PTPRG: variants seen among roughly 807,000 people sequenced by gnomAD.
PTPRG encodes the protein protein tyrosine phosphatase receptor type G.
Under a neutral mutation model 165.3 loss-of-function variants are expected in PTPRG, and 102 were observed. That is an observed-to-expected ratio of 0.62 (90% CI 0.53 to 0.73). The LOEUF (loss-of-function observed/expected upper bound fraction) is 0.73, where lower values mean the gene tolerates loss of function less well. Among genes scored for constraint, PTPRG ranks in the 30% least tolerant of loss-of-function variants. The pLI, the probability that PTPRG is intolerant of heterozygous loss-of-function variation, is 0.00. For synonymous variants in PTPRG, 675 were observed against 669.5 expected (o/e 1.01, Z -0.13); for missense variants, 1,866 against 1,861.4 (o/e 1.00, Z -0.05).
chr3:61,786,761 TAAATGATCATTCTC>T (rs2034717672), intron 2 of PTPRG, among the ~76,000 whole-genome samples: 1 of 152,214 alleles, frequency 6.6e-6, no homozygotes, highest in South Asian at 2.1e-4. Flanking sequence ...AATATGTCTT[TAAATGATCATTCTC>T]TGATTACATC....
intron 2 of PTPRG, among the ~76,000 whole-genome samples, chr3:61,762,325 G>T (rs598688): frequency 0.69 from 105,627 of 152,052 alleles, 37,492 homozygotes; most frequent in Non-Finnish European, 0.78. Context: ...CAGAAAGAAC[G>T]AGTTAAGATT....
chr3:62,007,256 T>G (rs917241715), intron 4 of PTPRG, among the ~76,000 whole-genome samples: 1 of 152,262 alleles, frequency 6.6e-6, no homozygotes, highest in African/African-American at 2.4e-5. Flanking sequence ...GAGACAACTT[T>G]GTAGGCATCC....
chr3:61,817,007 AAAT>A (rs2035784927), intron 2 of PTPRG, among the ~76,000 whole-genome samples: 1 of 114,416 alleles, frequency 8.7e-6, no homozygotes. Flanking sequence ...TATATAATAT[AAAT>A]ATATATACTA....
At position 61,658,060 on chromosome 3, in the gene PTPRG, G is replaced by C. The variant is rs115317308; in HGVS notation, c.86-90818G>C. ...ATGAAAATGTTTGGGAAGTATAAGA[G>C]CTCCAGGCCATGGGATGAAATGGGA... is the stretch of plus-strand genomic sequence containing the variant. On this transcript the variant is annotated intron_variant, in intron 1 of 29. Transcript: ENST00000474889. 5.9e-3 allele frequency among the ~76,000 whole-genome samples: 904 copies of C among 152,278 alleles called. 12 individuals carry two copies. Among genetic ancestry groups the C allele is most frequent in the African/African-American group, 0.021 (875 of 41,548 alleles).
At chr3:61,988,760 G>C (rs1359397638) in intron 2 of PTPRG, among the ~76,000 whole-genome samples, 1 of 152,134 alleles carries the variant, frequency 6.6e-6, no homozygotes, top group African/African-American at 2.4e-5. Context: ...GTGTCAACAA[G>C]GTTAAAAGTA....
intron 2 of PTPRG, among the ~76,000 whole-genome samples, chr3:61,920,574 T>G (rs1288887811): frequency 6.6e-6 from 1 of 152,146 alleles, no homozygotes; most frequent in Non-Finnish European, 1.5e-5. Context: ...TTTTGTATTT[T>G]TAGTTTAGAC....
At chr3:61,887,085 A>C (rs2038057869) in intron 2 of PTPRG, among the ~76,000 whole-genome samples, 1 of 129,048 alleles carries the variant, frequency 7.7e-6, no homozygotes, top group East Asian at 2.3e-4. Flanking sequence ...CTTAAGCATT[A>C]TCTCGGAAAA....
At chr3:61,941,948 C>T (rs2039642033) in intron 2 of PTPRG, among the ~76,000 whole-genome samples, 2 of 151,320 alleles carry the variant, frequency 1.3e-5, no homozygotes, top group African/African-American at 4.9e-5. Flanking sequence ...TACCTGAGGT[C>T]AGGAGCTGGA....
chr3:61,736,809 A>G (rs2032741416), intron 1 of PTPRG, among the ~76,000 whole-genome samples: 2 of 152,192 alleles, frequency 1.3e-5, no homozygotes, highest in South Asian at 2.1e-4. Flanking sequence ...TACAAAGCAT[A>G]TATTGGTTAA....
Position 61,998,950 on chromosome 3 carries a change from C to T in PTPRG, c.371-4399C>T, listed in dbSNP as rs192237908. Among the ~76,000 whole-genome samples the T allele has an allele frequency of 6.6e-5, 10 of 152,296 alleles. No homozygotes were observed. The East Asian group carries it at 9.7e-4, about 15-fold the overall frequency. ...AGGCTGGAGGTCCAAGATTAAGGCA[C>T]CAGCAGATTCAGTATCTGGTGAGGG... is the stretch of plus-strand genomic sequence containing the variant. On this transcript the variant is annotated intron_variant, in intron 3 of 29. Coordinates refer to ENST00000474889, the MANE Select transcript of PTPRG (RefSeq NM_002841.4).
In PTPRG at chr3:61,791,585, T is replaced by A. The variant is rs1575666321; in HGVS notation, c.190+42603T>A. Among the ~76,000 whole-genome samples, 6 of 152,304 alleles carry A rather than the reference T, an allele frequency of 3.9e-5. No individual in the cohort carries two copies. The South Asian group carries it at 1.2e-3, about 32-fold the overall frequency. On this transcript the variant is annotated intron_variant, in intron 2 of 29. Coordinates refer to ENST00000474889, the MANE Select transcript of PTPRG (RefSeq NM_002841.4). The stretch of plus-strand genomic sequence containing the variant: ...TAACTGCAACCTCTGCCTCCCAGGT[T>A]CAAGCGATTCTCCTGCCTCAGCCTC...
chr3:61,931,107 G>A (rs1040138665), intron 2 of PTPRG, among the ~76,000 whole-genome samples: 4 of 152,112 alleles, frequency 2.6e-5, no homozygotes, highest in Non-Finnish European at 4.4e-5. Context: ...TGGGCCATGT[G>A]CTGTGGTTCC....
At chr3:61,729,577 C>T (rs1268945578) in intron 1 of PTPRG, among the ~76,000 whole-genome samples, 5 of 152,102 alleles carry the variant, frequency 3.3e-5, no homozygotes, top group East Asian at 3.9e-4. Context: ...TTACATGGCC[C>T]GTTAGTGACA....
chr3:61,657,894 C>T lies in PTPRG; in HGVS notation c.86-90984C>T, dbSNP rs1054807554. ...AGCGGGGAAGATGCTTTGTACTTTG[C>T]TTGTTAAACAGAGGGCTGCTAAGCA... On this transcript the variant is annotated intron_variant, in intron 1 of 29. Coordinates refer to ENST00000474889, the MANE Select transcript of PTPRG (RefSeq NM_002841.4). Among the ~76,000 whole-genome samples, 3 of 152,128 alleles carry T rather than the reference C, an allele frequency of 2.0e-5. No homozygotes were observed. In the East Asian group the frequency reaches 5.8e-4, roughly 29 times the overall value.
intron 7 of PTPRG, among the ~76,000 whole-genome samples, chr3:62,164,546 C>T (rs1197859759): frequency 2.0e-5 from 3 of 152,112 alleles, no homozygotes; most frequent in Non-Finnish European, 4.4e-5. Context: ...GACTGTCAAG[C>T]GCAACTGTGA....
intron 6 of PTPRG, among the ~76,000 whole-genome samples, chr3:62,144,133 C>T (rs1172754548): frequency 5.9e-5 from 9 of 152,174 alleles, no homozygotes; most frequent in Non-Finnish European, 1.0e-4. Context: ...CTTGAGTAGC[C>T]GTGACAGACG....
At chr3:61,792,410 G>A (rs535225440) in intron 2 of PTPRG, among the ~76,000 whole-genome samples, 97 of 152,064 alleles carry the variant, frequency 6.4e-4, no homozygotes, top group Non-Finnish European at 1.3e-3. Flanking sequence ...GTTTTTTGTA[G>A]AGATAGGGAC....
intron 2 of PTPRG, among the ~76,000 whole-genome samples, chr3:61,958,240 T>C (rs549289797): frequency 6.6e-6 from 1 of 152,154 alleles, no homozygotes; most frequent in Non-Finnish European, 1.5e-5. Flanking sequence ...GTTTCTCCTG[T>C]CTCAGTCTCC....
At chr3:61,584,306 C>T (rs1700380711) in intron 1 of PTPRG, among the ~76,000 whole-genome samples, 1 of 152,156 alleles carries the variant, frequency 6.6e-6, no homozygotes, top group East Asian at 1.9e-4. Flanking sequence ...GAGATGAATG[C>T]TGAGCTGTGT....
Sources: gnomAD v4.1 joint callset for allele counts (sites outside exome capture counted in the v4.1 genomes callset) on GRCh38, gnomAD v4.1.1 for gene constraint, MANE v1.5 for transcripts, NCBI Gene and HGNC (gene_info 2026-07-23, HGNC 2026-07-21) for gene names.